PDIA3: variants seen among roughly 807,000 people sequenced by gnomAD.
PDIA3 encodes protein disulfide isomerase family A member 3.
In PDIA3, 16 loss-of-function variants were observed where a neutral mutation model predicts 56.9. The observed-to-expected ratio is 0.28, with a 90% CI of 0.19 to 0.43. The LOEUF is 0.43. Ranked by LOEUF, PDIA3 falls within the 20% of genes least tolerant of loss-of-function variation. The probability of loss-of-function intolerance (pLI) is 1.00; values close to 1 mark genes in which losing one functional copy is unlikely to be tolerated. For synonymous variants in PDIA3, 192 were observed against 216.5 expected (o/e 0.89, Z 0.99); for missense variants, 485 against 621.3 (o/e 0.78, Z 2.33).
intron 1 of PDIA3, among the ~76,000 whole-genome samples, chr15:43,750,926 G>A (rs1298166152): frequency 3.3e-5 from 5 of 151,980 alleles, no homozygotes; most frequent in Admixed American, 3.3e-4. Flanking sequence ...AGGTTCAGGA[G>A]TTTGAGACTA....
chr15:43,747,817 AG>A (rs1379135217), intron 1 of PDIA3, among the ~76,000 whole-genome samples: 6 of 152,170 alleles, frequency 3.9e-5, no homozygotes. Flanking sequence ...CAACTTGCTA[AG>A]GGTTACACGA....
chr15:43,763,363 GCGC>G (rs1461649733), intron 5 of PDIA3, among the ~76,000 whole-genome samples, 157 bp downstream of exon 5: 1 of 151,994 alleles, frequency 6.6e-6, no homozygotes, highest in African/African-American at 2.4e-5. Flanking sequence ...AACGATTCTC[GCGC>G]CTCAACCTCC....
At position 43,769,511 on chromosome 15, in the gene PDIA3, T is replaced by C. The variant is rs1490435218; in HGVS notation, c.1138-7T>C. ...TTACCAACTAGAGATTCTTCTGTGT[T>C]TTCCAGGTAGTGGTAGCAGAGAATT... On this transcript the variant is annotated splice_region_variant and splice_polypyrimidine_tract_variant and intron_variant, in intron 9 of 12. Transcript: ENST00000300289. 2 of 1,612,860 alleles carry C rather than the reference T, an allele frequency of 1.2e-6. No homozygotes were observed. The highest frequency in any genetic ancestry group is 2.7e-5 in the African/African-American group (2 of 74,922).
intron 3 of PDIA3, among the ~76,000 whole-genome samples, chr15:43,758,034 T>C (rs778922080): frequency 4.7e-5 from 7 of 150,302 alleles, no homozygotes; most frequent in Non-Finnish European, 1.0e-4. Flanking sequence ...AGGTCGGGAG[T>C]TCGAGACCAG....
intron 1 of PDIA3, chr15:43,752,732 A>C: frequency 2.1e-6 from 1 of 467,046 alleles, no homozygotes; most frequent in South Asian, 1.6e-5. Context: ...AAATTACACC[A>C]TTGACTATTG....
intron 8 of PDIA3, among the ~76,000 whole-genome samples, chr15:43,768,244 A>G (rs2086860363): frequency 6.6e-6 from 1 of 152,202 alleles, no homozygotes; most frequent in Admixed American, 6.5e-5. Context: ...GTTTTCTTAC[A>G]AAGATGAATC....
chr15:43,766,556 G>A (rs1436568048), intron 7 of PDIA3, among the ~76,000 whole-genome samples, 172 bp from the exon 8 acceptor site: 1 of 152,234 alleles, frequency 6.6e-6, no homozygotes, highest in Non-Finnish European at 1.5e-5. Flanking sequence ...GTAAGGCATT[G>A]AAGTATATCA....
intron 1 of PDIA3, among the ~76,000 whole-genome samples, chr15:43,751,204 A>C (rs1256879745): frequency 6.6e-6 from 1 of 151,682 alleles, no homozygotes; most frequent in East Asian, 1.9e-4. Flanking sequence ...GATCTTTTCA[A>C]CATCAACATT....
intron 3 of PDIA3, among the ~76,000 whole-genome samples, chr15:43,759,207 G>T (rs2086799169): frequency 6.6e-6 from 1 of 151,916 alleles, no homozygotes. Context: ...GGAGAATGGC[G>T]TGAACCCTGG....
At chr15:43,751,760 T>G in intron 1 of PDIA3, 1 of 1,294,972 alleles carries the variant, frequency 7.7e-7, no homozygotes, top group Non-Finnish European at 1.0e-6. Context: ...TCTCATTCAG[T>G]AAGCCATGCA....
intron 3 of PDIA3, among the ~76,000 whole-genome samples, chr15:43,759,669 T>TA (rs1335402178): frequency 6.6e-6 from 1 of 152,178 alleles, no homozygotes; most frequent in Non-Finnish European, 1.5e-5. Flanking sequence ...GTAAACAAAA[T>TA]ACGGTATATG....
rs79664165 is a variant in PDIA3, at chr15:43,765,667, T to A, written c.719+101T>A. 1,826 of 896,760 alleles carry A rather than the reference T, an allele frequency of 2.0e-3. 24 individuals are homozygous for A. The African/African-American group carries it at 0.027, about 13-fold the overall frequency. 55.6% of individuals were successfully genotyped at this position (896,760 alleles called of 1,614,324 possible). A position where few individuals can be genotyped will look rare whatever the true frequency, so the allele number is the denominator to read the frequency against. On this transcript the variant is annotated intron_variant, in intron 6 of 12. Coordinates refer to ENST00000300289, the MANE Select transcript of PDIA3 (RefSeq NM_005313.5). ...CTATATTTTGGCGTAAACAGTCTATTTGGGGGGATTGTAATAGTAATAGTT... is the reference window on the plus strand; with the variant it reads ...CTATATTTTGGCGTAAACAGTCTATATGGGGGGATTGTAATAGTAATAGTT...
chr15:43,760,597 C>G (rs1021562584), intron 3 of PDIA3, among the ~76,000 whole-genome samples: 2 of 149,412 alleles, frequency 1.3e-5, no homozygotes, highest in African/African-American at 4.9e-5. Flanking sequence ...GGCACGACCT[C>G]GGCTCACTGC....
At chr15:43,758,233 G>A (rs566873666) in intron 3 of PDIA3, among the ~76,000 whole-genome samples, 6 of 151,974 alleles carry the variant, frequency 3.9e-5, no homozygotes, top group African/African-American at 1.2e-4. Context: ...AGGAAACTCC[G>A]TCTCAAAACA....
chr15:43,763,312 G>T, intron 5 of PDIA3, 106 bp downstream of exon 5: 1 of 1,252,776 alleles, frequency 8.0e-7, no homozygotes, highest in Non-Finnish European at 1.1e-6. Flanking sequence ...GAGTGCAGTG[G>T]TGCAATCTCT....
chr15:43,770,245 A>G lies in PDIA3; in HGVS notation c.1267-5A>G. On this transcript the variant is annotated splice_polypyrimidine_tract_variant and splice_region_variant and intron_variant, in intron 10 of 12. Transcript: ENST00000300289. ...ATGTAAACATTTAACCTGTTTTATT[A>G]ACAGCTCAGCAAAGACCCAAATATC... The G allele has an allele frequency of 6.2e-7, 1 of 1,611,472 alleles. No individual in the cohort carries two copies. The highest frequency in any genetic ancestry group is 2.2e-5 in the East Asian group (1 of 44,858).
At chr15:43,763,292 A>T in intron 5 of PDIA3, 86 bp downstream of exon 5, 1 of 1,470,074 alleles carries the variant, frequency 6.8e-7, no homozygotes, top group Non-Finnish European at 9.4e-7. Context: ...TCACTCTGTC[A>T]CCCAGGCTGG....
intron 1 of PDIA3, chr15:43,751,904 T>C (rs2086746821): frequency 2.1e-6 from 1 of 475,580 alleles, no homozygotes; most frequent in African/African-American, 2.0e-5. Context: ...AACAATTAAC[T>C]CATAAATCTG....
In PDIA3 at chr15:43,771,248, G is replaced by A. The variant is rs747176084; in HGVS notation, c.*30G>A. 7.1e-7 allele frequency: 1 copy of A among 1,407,964 alleles called. No homozygotes were observed. Among genetic ancestry groups the A allele is most frequent in the South Asian group, 1.2e-5 (1 of 85,330 alleles). 87.2% of individuals were successfully genotyped at this position (1,407,964 alleles called of 1,614,324 possible). A position where few individuals can be genotyped will look rare whatever the true frequency, so the allele number is the denominator to read the frequency against. ...GTAGCCAAACACCACTTTGTAAAAG[G>A]ACTCTTCCATCAGAGATGGGAAAAC... is the stretch of plus-strand genomic sequence containing the variant. On this transcript the variant is annotated 3_prime_UTR_variant, in exon 13 of 13. Transcript: ENST00000300289.
Sources: gnomAD v4.1 joint callset for allele counts (sites outside exome capture counted in the v4.1 genomes callset) on GRCh38, gnomAD v4.1.1 for gene constraint, MANE v1.5 for transcripts, NCBI Gene and HGNC (gene_info 2026-07-23, HGNC 2026-07-21) for gene names.